The following CD163 variants were observed in gnomAD, a reference collection of about 807,000 sequenced individuals.
CD163 encodes the protein scavenger receptor cysteine-rich type 1 protein M130.
A neutral mutation model predicts 129.2 loss-of-function variants in CD163; 64 were observed. The ratio of observed to expected loss-of-function variants is 0.50; its 90% CI spans 0.41 to 0.61. The LOEUF is 0.61. Among genes scored for constraint, CD163 ranks in the 20% least tolerant of loss-of-function variants. The probability of loss-of-function intolerance (pLI) is 0.00; values close to 1 mark genes in which losing one functional copy is unlikely to be tolerated. For synonymous variants in CD163, 446 were observed against 478.5 expected (o/e 0.93, Z 0.89); for missense variants, 1,061 against 1,377.9 (o/e 0.77, Z 3.64).
chr12:7,485,498 G>T lies in CD163; in HGVS notation c.2459-82C>A. 8.9e-7 allele frequency: 1 copy of T among 1,123,182 alleles called. No individual in the cohort carries two copies. The highest frequency in any genetic ancestry group is 2.3e-5 in the Admixed American group (1 of 43,980). 69.6% of individuals were successfully genotyped at this position (1,123,182 alleles called of 1,614,324 possible). On this transcript the variant is annotated intron_variant, in intron 10 of 16. Transcript: ENST00000432237. The surrounding 1 kb of genome is among the most constrained non-coding windows in gnomAD (Gnocchi z 4.5). Reference sequence around the variant, plus strand: ...CTTCCCTTTACCTTGATGTAAGAATGGCTTTAAAAATAGGTACAATAGTAC... The same window carrying T: ...CTTCCCTTTACCTTGATGTAAGAATTGCTTTAAAAATAGGTACAATAGTAC...
chr12:7,501,084 T>A, intron 3 of CD163, 55 bp downstream of exon 3: 2 of 1,501,044 alleles, frequency 1.3e-6, no homozygotes, highest in Non-Finnish European at 1.8e-6. Context: ...CCCATCTACA[T>A]ATTTTTTTCC....
chr12:7,472,631 A>C (rs1949021767), intron 16 of CD163, among the ~76,000 whole-genome samples: 1 of 152,232 alleles, frequency 6.6e-6, no homozygotes, highest in Non-Finnish European at 1.5e-5. Context: ...CAAGTGCATA[A>C]ATGCTGAAAA....
chr12:7,502,017 T>C (rs1475148255), intron 2 of CD163, among the ~76,000 whole-genome samples: 3 of 152,202 alleles, frequency 2.0e-5, no homozygotes, highest in Non-Finnish European at 4.4e-5. Context: ...CTCTTTGTAC[T>C]CTCTTCCCAT....
In CD163 at chr12:7,487,514, G is replaced by A. The variant is rs757185377; in HGVS notation, c.1895C>T (p.Thr632Ile). 7 of 1,613,944 alleles carry A rather than the reference G, an allele frequency of 4.3e-6. No individual in the cohort carries two copies. The highest frequency in any genetic ancestry group is 2.2e-5 in the South Asian group (2 of 91,080). ...QQLKCGVALS[T>I]PGGARFGKGN... The stretch of plus-strand genomic sequence containing the variant: ...TTTTCCAAAACGTGCTCCTCCTGGG[G>A]TAGAAAGGGCAACTCCACATTTAAG... The change falls in exon 8 of 17, where the codon ACC becomes ATC. Residue 632 changes from threonine to isoleucine, a missense_variant. Transcript: ENST00000432237. The surrounding 1 kb of genome is among the most constrained non-coding windows in gnomAD (Gnocchi z 5.1).
chr12:7,488,353 T>C (rs1216135007), intron 6 of CD163, among the ~76,000 whole-genome samples: 3 of 152,198 alleles, frequency 2.0e-5, no homozygotes, highest in Non-Finnish European at 4.4e-5. Context: ...ATAACTCTGT[T>C]CTTCCAAAAT....
Position 7,486,577 on chromosome 12 carries a change from G to T in CD163, c.2380C>A (p.Arg794Ser). 1 of 1,614,146 alleles carries T rather than the reference G, an allele frequency of 6.2e-7. No homozygotes were observed. Among genetic ancestry groups the T allele is most frequent in the Non-Finnish European group, 8.5e-7 (1 of 1,180,026 alleles). Residue 794 changes from arginine (R) to serine (S), a missense_variant, in exon 10 of 17, where the codon CGC (arginine) becomes AGC (serine). Transcript: ENST00000432237. ...DEMKCNGKES[R>S]IWQCHSHGWG... Reference sequence around the variant, plus strand: ...CCGTGTGAATGGCACTGCCAAATGCGGGATTCTTTTCCATTGCATTTCATC... The same window carrying T: ...CCGTGTGAATGGCACTGCCAAATGCTGGATTCTTTTCCATTGCATTTCATC...
chr12:7,476,463 C>A (rs182214992), intron 16 of CD163, among the ~76,000 whole-genome samples: 239 of 152,230 alleles, frequency 1.6e-3, no homozygotes, highest in African/African-American at 5.3e-3. Flanking sequence ...CTTCAACAAA[C>A]CTGCCAAAAA....
rs574677648 is a variant in CD163 at position 7,483,909 on chromosome 12, C to T, written c.2780-234G>A. Among the ~76,000 whole-genome samples the T allele has an allele frequency of 6.9e-3, 985 of 142,212 alleles. 9 individuals are homozygous for T. Among genetic ancestry groups the T allele is most frequent in the Non-Finnish European group, 0.01 (689 of 66,168 alleles). 93.3% of individuals were successfully genotyped at this position (142,212 alleles called of 152,430 possible). ...AGGCTGGAGTGCAGTGGCACAATCTCGGCTCACTGCAAGCTCCGCCTCCCA... is the reference window on the plus strand; with the variant it reads ...AGGCTGGAGTGCAGTGGCACAATCTTGGCTCACTGCAAGCTCCGCCTCCCA... On this transcript the variant is annotated intron_variant, in intron 11 of 16. Transcript: ENST00000432237.
At chr12:7,495,017 C>T in intron 6 of CD163, 64 bp downstream of exon 6, 1 of 1,277,698 alleles carries the variant, frequency 7.8e-7, no homozygotes, top group Non-Finnish European at 1.1e-6. Context: ...TGTTTCTTTT[C>T]AATTTCAAAG....
At chr12:7,472,916 T>G (rs780326296) in intron 16 of CD163, among the ~76,000 whole-genome samples, 13 of 152,042 alleles carry the variant, frequency 8.6e-5, no homozygotes, top group Non-Finnish European at 1.6e-4. Flanking sequence ...GCATGAGAAC[T>G]TCGTGAAGTA....
chr12:7,489,061 G>A (rs1486779480), intron 6 of CD163, among the ~76,000 whole-genome samples: 1 of 152,116 alleles, frequency 6.6e-6, no homozygotes, highest in African/African-American at 2.4e-5. Context: ...CAGGGAATCT[G>A]AAACATAGAG....
At position 7,501,569 on chromosome 12, in the gene CD163, T is replaced by C. The variant is rs141342149; in HGVS notation, c.134-107A>G. ...CCTTCAAACTCAGATTTGAGAACCATCCTAGTCCTATCCATGGTAAAACAG... is the reference window on the plus strand; with the variant it reads ...CCTTCAAACTCAGATTTGAGAACCACCCTAGTCCTATCCATGGTAAAACAG... On this transcript the variant is annotated intron_variant, in intron 2 of 16. Transcript: ENST00000432237. 3.6e-4 allele frequency: 278 copies of C among 765,064 alleles called. 2 individuals carry two copies. Among genetic ancestry groups the C allele is most frequent in the Middle Eastern group, 1.2e-3 (5 of 4,012 alleles). The allele number at this position is 765,064 out of a possible 1,614,324, so 47.4% of individuals were successfully genotyped here.
Position 7,496,482 on chromosome 12 carries a change from T to TTAAAGTAAAAAAATAAG in CD163, c.1099+314_1099+330dup, listed in dbSNP as rs1362433464. 6.6e-6 allele frequency among the ~76,000 whole-genome samples: 1 copy of TTAAAGTAAAAAAATAAG among 152,070 alleles called. No homozygotes were observed. The highest frequency in any genetic ancestry group is 1.5e-5 in the Non-Finnish European group (1 of 67,992). ...ACATTCAACACATCTATCCCAGAAC[T>TTAAAGTAAAAAAATAAG]TAAAGTAAAAAAATAAGTAAATTAA... On this transcript the variant is annotated intron_variant, in intron 5 of 16. Transcript: ENST00000432237. The surrounding 1 kb of genome is among the most constrained non-coding windows in gnomAD (Gnocchi z 4.8).
intron 14 of CD163, among the ~76,000 whole-genome samples, chr12:7,481,844 G>GGA (rs777954275): frequency 2.6e-5 from 4 of 151,432 alleles, no homozygotes; most frequent in Non-Finnish European, 5.9e-5. Context: ...CCGCCCCTCA[G>GGA]GAAAAAAACA....
chr12:7,502,958 C>A (rs879228194), intron 1 of CD163, among the ~76,000 whole-genome samples: 1 of 152,146 alleles, frequency 6.6e-6, no homozygotes, highest in Admixed American at 6.6e-5. Flanking sequence ...ATTATGGATG[C>A]CCCCATCTTT....
In CD163 at chr12:7,485,897, T is replaced by C. The variant is rs765020945; in HGVS notation, c.2459-481A>G. On this transcript the variant is annotated intron_variant, in intron 10 of 16. Coordinates refer to ENST00000432237, the MANE Select transcript of CD163 (RefSeq NM_203416.4). This position sits in a 1 kb window ranked among gnomAD's most constrained non-coding sequence, Gnocchi z 4.5. The stretch of plus-strand genomic sequence containing the variant: ...AAATAGGAATAAATCACTTCTGAGA[T>C]ACAGAGTTTTTCACTTCCTTAAGTT... Among the ~76,000 whole-genome samples the C allele has an allele frequency of 2.0e-5, 3 of 152,316 alleles. No individual in the cohort carries two copies. The South Asian group carries it at 6.2e-4, about 32-fold the overall frequency.
rs148627553 is a variant in CD163 at position 7,487,498 on chromosome 12, A to G, written c.1911T>C (p.Arg637=). Residue 637 remains arginine (R), a synonymous_variant, in exon 8 of 17, where the codon CGT becomes CGC. Transcript: ENST00000432237. This position sits in a 1 kb window ranked among gnomAD's most constrained non-coding sequence, Gnocchi z 5.1. ...AGATCTGACCATTTCCTTTTCCAAA[A>G]CGTGCTCCTCCTGGGGTAGAAAGGG... ...GVALSTPGGA[R]FGKGNGQIWR... 14 of 1,613,816 alleles carry G rather than the reference A, an allele frequency of 8.7e-6. No individual in the cohort carries two copies. Among genetic ancestry groups the G allele is most frequent in the Non-Finnish European group, 1.2e-5 (14 of 1,179,986 alleles).
rs752244536 is a variant in CD163 at position 7,486,783 on chromosome 12, C to A, written c.2174G>T (p.Gly725Val). The change falls in exon 10 of 17, where the codon GGA becomes GTA. Residue 725 changes from glycine to valine, a missense_variant. By Grantham distance (109) the Gly-to-Val change is moderately radical. Transcript: ENST00000432237. ...CTCTACTCTCCCAGCACAGCGACCT[C>A]CTCCATTTACCAGGCGAAGTTGACC... ...ESGQLRLVNG[G>V]GRCAGRVEIY... 7 of 1,610,870 alleles carry A rather than the reference C, an allele frequency of 4.3e-6. No homozygotes were observed. In the African/African-American group the frequency reaches 8.0e-5, roughly 18 times the overall value.
intron 13 of CD163, 55 bp from the exon 14 acceptor site, chr12:7,482,817 G>T: frequency 6.2e-7 from 1 of 1,603,526 alleles, no homozygotes; most frequent in Non-Finnish European, 8.5e-7. Flanking sequence ...AAAGATCAAG[G>T]TCCCTAGTTA....
Sources: gnomAD v4.1 joint callset for allele counts (sites outside exome capture counted in the v4.1 genomes callset) on GRCh38, gnomAD v4.1.1 for gene constraint, Gnocchi (gnomAD v3.1) non-coding constraint, MANE v1.5 for transcripts, NCBI Gene and HGNC (gene_info 2026-07-23, HGNC 2026-07-21) for gene names.